Variants in CLSTN2 observed in about 807,000 individuals in gnomAD.
The protein encoded by CLSTN2 is calsyntenin-2.
CLSTN2 carries 48 observed loss-of-function variants against 101.2 expected under a neutral mutation model. That is an observed-to-expected ratio of 0.47 (90% CI 0.38 to 0.60). The LOEUF (loss-of-function observed/expected upper bound fraction) is 0.60. Ranked by LOEUF, CLSTN2 falls within the 20% of genes least tolerant of loss-of-function variation. The pLI is 0.00. For synonymous variants in CLSTN2, 481 were observed against 463.6 expected (o/e 1.04, Z -0.48); for missense variants, 1,160 against 1,238.2 (o/e 0.94, Z 0.95).
intron 1 of CLSTN2, among the ~76,000 whole-genome samples, chr3:140,051,268 T>C (rs143527090): frequency 7.7e-4 from 118 of 152,332 alleles, no homozygotes; most frequent in African/African-American, 2.7e-3. Flanking sequence ...ATCAATCTTG[T>C]GGGATGTGTA....
chr3:140,078,593 C>CA (rs2008533244), intron 1 of CLSTN2, among the ~76,000 whole-genome samples: 1 of 152,130 alleles, frequency 6.6e-6, no homozygotes, highest in Non-Finnish European at 1.5e-5. Context: ...TGCTGACACA[C>CA]AAAAGAGGGC....
At chr3:140,267,459 T>G (rs1431853234) in intron 2 of CLSTN2, among the ~76,000 whole-genome samples, 1 of 152,136 alleles carries the variant, frequency 6.6e-6, no homozygotes, top group Admixed American at 6.6e-5. Context: ...GATGAAAGTC[T>G]ATGGATATTG....
At chr3:140,281,305 A>AG (rs1267146708) in intron 2 of CLSTN2, among the ~76,000 whole-genome samples, 1 of 152,224 alleles carries the variant, frequency 6.6e-6, no homozygotes, top group Non-Finnish European at 1.5e-5. Context: ...GGGAGATAAC[A>AG]GGAAGGAATG....
At chr3:140,003,049 C>T (rs2006880290) in intron 1 of CLSTN2, among the ~76,000 whole-genome samples, 1 of 152,074 alleles carries the variant, frequency 6.6e-6, no homozygotes, top group Non-Finnish European at 1.5e-5. Flanking sequence ...TACTCTGGGT[C>T]TTTTGTGGTT....
chr3:139,942,082 T>C (rs79532344), intron 1 of CLSTN2, among the ~76,000 whole-genome samples: 2,147 of 152,286 alleles, frequency 0.014, 59 homozygotes, highest in African/African-American at 0.049. Flanking sequence ...GGCTTACCTA[T>C]TCAGAATGAT....
chr3:140,539,285 CAGAGGTAACTAAAA>C (rs1466568896), intron 9 of CLSTN2, among the ~76,000 whole-genome samples: 1 of 152,146 alleles, frequency 6.6e-6, no homozygotes, highest in Non-Finnish European at 1.5e-5. Flanking sequence ...CTGGCACACA[CAGAGGTAACTAAAA>C]AGATGTCTCT....
At chr3:140,275,691 T>A (rs952081630) in intron 2 of CLSTN2, among the ~76,000 whole-genome samples, 2 of 152,182 alleles carry the variant, frequency 1.3e-5, no homozygotes, top group Non-Finnish European at 2.9e-5. Context: ...AAAAGCGGGT[T>A]CTGAGCTCCT....
At chr3:140,539,519 C>G (rs1935426218) in intron 9 of CLSTN2, among the ~76,000 whole-genome samples, 1 of 152,104 alleles carries the variant, frequency 6.6e-6, no homozygotes, top group African/African-American at 2.4e-5. Context: ...TGATGAGGGT[C>G]TGAAAGCAAA....
intron 2 of CLSTN2, among the ~76,000 whole-genome samples, chr3:140,197,939 G>A (rs1376019209): frequency 1.3e-5 from 2 of 152,156 alleles, no homozygotes; most frequent in Non-Finnish European, 2.9e-5. Context: ...TTTACTGGAT[G>A]ATCTCTAAGG....
rs532287589 is a variant in CLSTN2, at chr3:139,948,232, A to C, written c.109+12749A>C. ...TAAAATACTACCCATAATGGAGAGA[A>C]TCATCATCACCCTAGCTTTACAATT... On this transcript the variant is annotated intron_variant, in intron 1 of 16. Transcript: ENST00000458420. Among the ~76,000 whole-genome samples the C allele has an allele frequency of 2.0e-5, 3 of 152,240 alleles. No individual in the cohort carries two copies. In the South Asian group the frequency reaches 6.2e-4, roughly 32 times the overall value.
At chr3:140,393,174 C>A (rs142404512) in intron 2 of CLSTN2, among the ~76,000 whole-genome samples, 1 of 152,112 alleles carries the variant, frequency 6.6e-6, no homozygotes, top group East Asian at 1.9e-4. Flanking sequence ...ACATTCAAAC[C>A]ATAGCAGATG....
At chr3:139,999,997 A>C (rs1412869862) in intron 1 of CLSTN2, among the ~76,000 whole-genome samples, 1 of 147,454 alleles carries the variant, frequency 6.8e-6, no homozygotes, top group Non-Finnish European at 1.5e-5. Context: ...TTTTAAGTTA[A>C]AGATCCTCCC....
chr3:140,076,663 C>T (rs568189276), intron 1 of CLSTN2, among the ~76,000 whole-genome samples: 4 of 114,328 alleles, frequency 3.5e-5, no homozygotes, highest in Non-Finnish European at 4.9e-5. Flanking sequence ...TCCTAGCCTT[C>T]GAGGCCCACC....
chr3:140,482,249 G>A (rs149763251), intron 8 of CLSTN2, among the ~76,000 whole-genome samples: 82 of 152,308 alleles, frequency 5.4e-4, no homozygotes, highest in Non-Finnish European at 8.4e-4. Context: ...GCTGGATTAC[G>A]TTTATGATTT....
At chr3:140,017,983 T>A (rs1184889582) in intron 1 of CLSTN2, among the ~76,000 whole-genome samples, 1 of 152,220 alleles carries the variant, frequency 6.6e-6, no homozygotes, top group Non-Finnish European at 1.5e-5. Context: ...TTGGTGCCTC[T>A]GCAGACAGAC....
rs1414301353 is a variant in CLSTN2 at position 140,351,196 on chromosome 3, G to A, written c.233-52433G>A. On this transcript the variant is annotated intron_variant, in intron 2 of 16. Transcript: ENST00000458420. Reference sequence around the variant, plus strand: ...ATAAAATTTTCAAAAGTGTTTGTGTGTGAGAGAGAGAGAAAGAAAGAGAGG... The same window carrying A: ...ATAAAATTTTCAAAAGTGTTTGTGTATGAGAGAGAGAGAAAGAAAGAGAGG... Among the ~76,000 whole-genome samples the A allele has an allele frequency of 3.3e-5, 5 of 152,324 alleles. No individual in the cohort carries two copies. In the South Asian group the frequency reaches 8.3e-4, roughly 25 times the overall value.
intron 1 of CLSTN2, among the ~76,000 whole-genome samples, chr3:140,063,670 C>G (rs1236857499): frequency 6.6e-6 from 1 of 152,112 alleles, no homozygotes; most frequent in African/African-American, 2.4e-5. Flanking sequence ...TTAAACAACC[C>G]CTTCCGTTGC....
intron 2 of CLSTN2, among the ~76,000 whole-genome samples, chr3:140,338,571 C>G (rs1482805299): frequency 6.6e-6 from 1 of 152,040 alleles, no homozygotes; most frequent in East Asian, 1.9e-4. Flanking sequence ...CAGTCCCCCC[C>G]CGGCCTCAGT....
intron 1 of CLSTN2, among the ~76,000 whole-genome samples, chr3:139,962,367 C>T (rs1385971719): frequency 6.6e-6 from 1 of 152,096 alleles, no homozygotes; most frequent in Non-Finnish European, 1.5e-5. Flanking sequence ...ATCATCACAA[C>T]CAAGATAATG....
Sources: gnomAD v4.1 joint callset for allele counts (sites outside exome capture counted in the v4.1 genomes callset) on GRCh38, gnomAD v4.1.1 for gene constraint, MANE v1.5 for transcripts, NCBI Gene and HGNC (gene_info 2026-07-23, HGNC 2026-07-21) for gene names.